Variants in KCND2 observed in about 807,000 individuals in gnomAD.
The protein encoded by KCND2 is potassium voltage-gated channel subfamily D member 2.
A neutral mutation model predicts 54.4 loss-of-function variants in KCND2; 16 were observed. That is an observed-to-expected ratio of 0.29 (90% confidence interval 0.20 to 0.45). The LOEUF is 0.45. Ranked by LOEUF, KCND2 falls within the 20% of genes least tolerant of loss-of-function variation. KCND2 has a pLI of 1.00. For synonymous variants in KCND2, 317 were observed against 310.7 expected, an observed-to-expected ratio of 1.02 and a Z score of -0.21; for missense variants, 486 against 824.2, an observed-to-expected ratio of 0.59 and a Z score of 5.02.
rs1041751647 is a variant in KCND2 at position 120,376,509 on chromosome 7, A to G, written c.1115+100762A>G. On this transcript the variant is annotated intron_variant, in intron 1 of 5. Transcript: ENST00000331113. Reference sequence around the variant, plus strand: ...TAAAATATAAATACATAGGCACAAAATAGAAATATTAAATAATCTATAAAG... The same window carrying G: ...TAAAATATAAATACATAGGCACAAAGTAGAAATATTAAATAATCTATAAAG... 2.7e-5 allele frequency among the ~76,000 whole-genome samples: 4 copies of G among 150,176 alleles called. No homozygotes were observed. The South Asian group carries it at 8.3e-4, about 31-fold the overall frequency.
At chr7:120,709,597 A>C (rs1792514083) in intron 1 of KCND2, among the ~76,000 whole-genome samples, 2 of 152,164 alleles carry the variant, frequency 1.3e-5, no homozygotes, top group African/African-American at 4.8e-5. Context: ...TCAGCTAAGT[A>C]TTTGGTTAAG....
chr7:120,739,821 A>ACG (rs1792918385), intron 2 of KCND2, among the ~76,000 whole-genome samples: 1 of 148,834 alleles, frequency 6.7e-6, no homozygotes. Flanking sequence ...ACACACACAC[A>ACG]CACACACACA....
intron 1 of KCND2, among the ~76,000 whole-genome samples, chr7:120,675,987 G>A (rs1441401605): frequency 6.7e-6 from 1 of 149,914 alleles, no homozygotes; most frequent in Non-Finnish European, 1.5e-5. Flanking sequence ...CCTCCCTCAC[G>A]CCACTACACC....
At chr7:120,473,738 G>T (rs1287542976) in intron 1 of KCND2, among the ~76,000 whole-genome samples, 2 of 151,976 alleles carry the variant, frequency 1.3e-5, no homozygotes, top group Non-Finnish European at 2.9e-5. Flanking sequence ...TTAAAAAAAT[G>T]AAAATAATCG....
In KCND2 at chr7:120,281,854, T is replaced by G. The variant is rs150709375; in HGVS notation, c.1115+6107T>G. 8.5e-4 allele frequency among the ~76,000 whole-genome samples: 130 copies of G among 152,312 alleles called. No individual in the cohort carries two copies. The East Asian group carries it at 0.022, about 26-fold the overall frequency. On this transcript the variant is annotated intron_variant, in intron 1 of 5. Transcript: ENST00000331113. ...AACATTAGCAATAATCTGCTACTCT[T>G]AAGCCAAATTATTTTGCTTTGTTCA...
At chr7:120,501,183 G>A (rs992312499) in intron 1 of KCND2, among the ~76,000 whole-genome samples, 1 of 152,018 alleles carries the variant, frequency 6.6e-6, no homozygotes, top group Admixed American at 6.6e-5. Context: ...ACAGACTCAC[G>A]GCACAGTAAT....
chr7:120,289,798 A>G (rs890217131), intron 1 of KCND2, among the ~76,000 whole-genome samples: 5 of 152,096 alleles, frequency 3.3e-5, no homozygotes, highest in Non-Finnish European at 5.9e-5. Flanking sequence ...TAAAAACAAA[A>G]TGGCTTCCAA....
chr7:120,381,508 CT>C (rs1442975604), intron 1 of KCND2, among the ~76,000 whole-genome samples: 1 of 151,962 alleles, frequency 6.6e-6, no homozygotes, highest in Admixed American at 6.6e-5. Context: ...CTGCCAAATG[CT>C]TTATTTTCTT....
chr7:120,278,837 AG>A (rs1278683512), intron 1 of KCND2, among the ~76,000 whole-genome samples: 1 of 151,910 alleles, frequency 6.6e-6, no homozygotes, highest in Non-Finnish European at 1.5e-5. Context: ...TAGAAAGCAC[AG>A]TTTAAAAAAA....
chr7:120,389,126 T>C (rs778831146), intron 1 of KCND2, among the ~76,000 whole-genome samples: 15 of 151,602 alleles, frequency 9.9e-5, no homozygotes, highest in African/African-American at 1.7e-4. Flanking sequence ...CATTGCCAAA[T>C]AGGGGAAAAA....
chr7:120,542,905 G>A (rs535868469), intron 1 of KCND2, among the ~76,000 whole-genome samples: 11 of 152,178 alleles, frequency 7.2e-5, no homozygotes, highest in East Asian at 3.9e-4. Context: ...GTCCAGCGAG[G>A]TAAGGATTAT....
intron 1 of KCND2, among the ~76,000 whole-genome samples, chr7:120,434,533 G>A (rs1178957394): frequency 6.6e-6 from 1 of 152,178 alleles, no homozygotes; most frequent in Non-Finnish European, 1.5e-5. Flanking sequence ...CTTCTTCTTT[G>A]TTGATATTTT....
intron 1 of KCND2, among the ~76,000 whole-genome samples, chr7:120,723,586 T>C (rs1792695069): frequency 6.6e-6 from 1 of 152,152 alleles, no homozygotes; most frequent in Non-Finnish European, 1.5e-5. Flanking sequence ...AGCATGGTGG[T>C]GCATGCCTAT....
intron 1 of KCND2, among the ~76,000 whole-genome samples, chr7:120,490,898 A>C (rs1326887542): frequency 6.6e-6 from 1 of 152,134 alleles, no homozygotes; most frequent in Non-Finnish European, 1.5e-5. Context: ...TCATTGCTGA[A>C]GTTATAACGA....
chr7:120,598,328 C>T (rs1217845752), intron 1 of KCND2, among the ~76,000 whole-genome samples: 2 of 152,064 alleles, frequency 1.3e-5, no homozygotes, highest in South Asian at 2.1e-4. Flanking sequence ...GTTTAATGCA[C>T]TTAAGTGGCA....
chr7:120,689,777 C>A (rs867112075), intron 1 of KCND2, among the ~76,000 whole-genome samples: 2 of 152,286 alleles, frequency 1.3e-5, no homozygotes, highest in Non-Finnish European at 1.5e-5. Context: ...ATACTGCCTA[C>A]TGAAGAGGCA....
intron 1 of KCND2, among the ~76,000 whole-genome samples, chr7:120,681,526 TTC>T (rs144959260): frequency 2.1e-4 from 31 of 148,420 alleles, no homozygotes; most frequent in Middle Eastern, 3.5e-3. Context: ...AACAAATAAG[TTC>T]TCTCTCTCTC....
chr7:120,712,532 A>G (rs2116072347), intron 1 of KCND2, among the ~76,000 whole-genome samples: 1 of 151,688 alleles, frequency 6.6e-6, no homozygotes, highest in South Asian at 2.1e-4. Context: ...AAGTGCTGGG[A>G]TTATAGGCAT....
intron 1 of KCND2, among the ~76,000 whole-genome samples, chr7:120,422,655 T>C (rs1801642456): frequency 6.6e-6 from 1 of 152,204 alleles, no homozygotes; most frequent in Non-Finnish European, 1.5e-5. Flanking sequence ...TAAAACAGGC[T>C]CAGAACCTTC....
Sources: gnomAD v4.1 joint callset for allele counts (sites outside exome capture counted in the v4.1 genomes callset) on GRCh38, gnomAD v4.1.1 for gene constraint, MANE v1.5 for transcripts, NCBI Gene and HGNC (gene_info 2026-07-23, HGNC 2026-07-21) for gene names.